The following CAMTA1 variants were observed in gnomAD, a reference collection of about 807,000 sequenced individuals.
The protein encoded by CAMTA1 is calmodulin-binding transcription activator 1.
Under a neutral mutation model 170.9 loss-of-function variants are expected in CAMTA1, and 27 were observed. The observed-to-expected ratio is 0.16, with a 90% CI of 0.12 to 0.22. The LOEUF is 0.22. Ranked by LOEUF, CAMTA1 falls within the 10% of genes least tolerant of loss-of-function variation. The pLI, the probability that CAMTA1 is intolerant of heterozygous loss-of-function variation, is 1.00. For missense variants in CAMTA1, 1,619 were observed against 2,217.2 expected, an observed-to-expected ratio of 0.73 and a Z score of 5.42; for synonymous variants, 833 against 891.5, an observed-to-expected ratio of 0.93 and a Z score of 1.17.
chr1:6,904,812 C>T (rs1386426245), intron 3 of CAMTA1, among the ~76,000 whole-genome samples: 2 of 138,240 alleles, frequency 1.4e-5, no homozygotes, highest in Admixed American at 1.7e-4. Context: ...AGACTGATCT[C>T]GAACTCCTGA....
intron 5 of CAMTA1, among the ~76,000 whole-genome samples, chr1:7,371,254 TG>T (rs2086445396): frequency 5.4e-5 from 1 of 18,436 alleles, no homozygotes; most frequent in African/African-American, 1.4e-4. Flanking sequence ...TTTGTTTGTT[TG>T]TTTGTTTGTT....
intron 3 of CAMTA1, among the ~76,000 whole-genome samples, chr1:6,852,070 T>C (rs1321692464): frequency 1.3e-5 from 2 of 149,630 alleles, no homozygotes; most frequent in East Asian, 3.9e-4. Context: ...AAAAGAGCAG[T>C]GAGATTGACA....
chr1:7,053,274 C>T (rs554747101), intron 3 of CAMTA1, among the ~76,000 whole-genome samples: 59 of 152,310 alleles, frequency 3.9e-4, no homozygotes, highest in African/African-American at 1.3e-3. Flanking sequence ...GCTCCCATCG[C>T]GACTCACTTC....
chr1:7,639,390 G>A (rs140419436), intron 6 of CAMTA1, among the ~76,000 whole-genome samples: 250 of 152,322 alleles, frequency 1.6e-3, no homozygotes, highest in Middle Eastern at 0.01. Context: ...AAGAAAGAGT[G>A]GACGAGCTGG....
At chr1:7,452,055 A>G (rs1047848060) in intron 5 of CAMTA1, among the ~76,000 whole-genome samples, 4 of 152,220 alleles carry the variant, frequency 2.6e-5, no homozygotes, top group Non-Finnish European at 5.9e-5. Flanking sequence ...TACACAGAAC[A>G]CCAGGCCGGG....
At chr1:7,080,013 A>G (rs1420736359) in intron 3 of CAMTA1, among the ~76,000 whole-genome samples, 3 of 152,254 alleles carry the variant, frequency 2.0e-5, no homozygotes, top group African/African-American at 7.2e-5. Flanking sequence ...TAATACATTT[A>G]TGTGTTAACA....
At chr1:7,719,886 C>T (rs2096637985) in intron 11 of CAMTA1, among the ~76,000 whole-genome samples, 1 of 152,274 alleles carries the variant, frequency 6.6e-6, no homozygotes, top group African/African-American at 2.4e-5. Context: ...CCTCAGCTCT[C>T]CCTGCCAGGG....
intron 5 of CAMTA1, among the ~76,000 whole-genome samples, chr1:7,383,756 AGAT>A (rs961756458): frequency 1.3e-5 from 2 of 151,878 alleles, no homozygotes; most frequent in African/African-American, 4.8e-5. Flanking sequence ...ATGTTGTTGA[AGAT>A]GATAAGAATG....
chr1:7,541,584 A>G (rs932626875), intron 6 of CAMTA1, among the ~76,000 whole-genome samples: 6 of 152,266 alleles, frequency 3.9e-5, no homozygotes, highest in Non-Finnish European at 7.3e-5. Flanking sequence ...TTGATTACTT[A>G]GAACCTGCCA....
chr1:6,926,170 A>G (rs1385473108), intron 3 of CAMTA1, among the ~76,000 whole-genome samples: 1 of 152,210 alleles, frequency 6.6e-6, no homozygotes, highest in Non-Finnish European at 1.5e-5. Flanking sequence ...GTTGTCACTA[A>G]TGATCACTCT....
Position 7,176,634 on chromosome 1 carries a change from G to A in CAMTA1, c.303-72857G>A, listed in dbSNP as rs75811734. Among the ~76,000 whole-genome samples, 1,370 of 152,344 alleles carry A rather than the reference G, an allele frequency of 9.0e-3. 15 individuals carry two copies. The highest frequency in any genetic ancestry group is 0.015 in the Admixed American group (233 of 15,302). On this transcript the variant is annotated intron_variant, in intron 4 of 22. Coordinates refer to ENST00000303635, the MANE Select transcript of CAMTA1 (RefSeq NM_015215.4). ...TTGCCCTGGGTTAGCCATTGGGATA[G>A]ACAGATGCTGAGGGCATAGGAGCAC...
chr1:7,197,628 CCACACACACA>C (rs3222484), intron 4 of CAMTA1, among the ~76,000 whole-genome samples: 263 of 109,870 alleles, frequency 2.4e-3, no homozygotes, highest in South Asian at 6.6e-3. Flanking sequence ...TTGTCCCCCA[CCACACACACA>C]CACACACACA....
chr1:7,548,683 A>G (rs12741396), intron 6 of CAMTA1, among the ~76,000 whole-genome samples: 7,386 of 45,040 alleles, frequency 0.16, 147 homozygotes, highest in East Asian at 0.24. Flanking sequence ...TGCCCATGGA[A>G]GGTGCCCCCT....
chr1:7,179,782 A>T (rs1487289028), intron 4 of CAMTA1, among the ~76,000 whole-genome samples: 1 of 152,220 alleles, frequency 6.6e-6, no homozygotes, highest in Non-Finnish European at 1.5e-5. Flanking sequence ...ATTAATAAAA[A>T]CACAAAAATG....
At chr1:6,937,549 A>G (rs1685605657) in intron 3 of CAMTA1, among the ~76,000 whole-genome samples, 1 of 49,134 alleles carries the variant, frequency 2.0e-5, no homozygotes, top group African/African-American at 8.2e-5. Flanking sequence ...ACCACTTACC[A>G]CTACCATCAT....
chr1:7,165,494 C>T (rs985688365), intron 4 of CAMTA1, among the ~76,000 whole-genome samples: 4 of 151,880 alleles, frequency 2.6e-5, no homozygotes, highest in Admixed American at 6.6e-5. Context: ...TGCAGTAGTG[C>T]GATCTCGGCT....
In CAMTA1 at chr1:7,635,401, A is replaced by C. The variant is rs1214853902; in HGVS notation, c.511-4999A>C. On this transcript the variant is annotated intron_variant, in intron 6 of 22. Coordinates refer to ENST00000303635, the MANE Select transcript of CAMTA1 (RefSeq NM_015215.4). The surrounding 1 kb of genome is among the most constrained non-coding windows in gnomAD (Gnocchi z 4.4). ...GGCAGGCAGATCACGAGATCGGGAC[A>C]CCGAGACTATCCTGGCTAACACGGT... 6.6e-6 allele frequency among the ~76,000 whole-genome samples: 1 copy of C among 152,140 alleles called. No individual in the cohort carries two copies. Among genetic ancestry groups the C allele is most frequent in the East Asian group, 1.9e-4 (1 of 5,172 alleles).
intron 3 of CAMTA1, among the ~76,000 whole-genome samples, chr1:6,958,579 C>T (rs1319377835): frequency 2.6e-5 from 4 of 152,156 alleles, no homozygotes; most frequent in African/African-American, 7.2e-5. Flanking sequence ...AATCTGTTGA[C>T]GGAACCGTTC....
intron 4 of CAMTA1, among the ~76,000 whole-genome samples, chr1:7,097,939 G>A (rs1642267484): frequency 6.6e-6 from 1 of 152,210 alleles, no homozygotes; most frequent in South Asian, 2.1e-4. Flanking sequence ...GCAGAGCAAT[G>A]TGAATGTGCT....
Sources: allele counts gnomAD v4.1 joint callset (sites outside exome capture counted in the v4.1 genomes callset), GRCh38; gene constraint gnomAD v4.1.1; non-coding constraint Gnocchi (gnomAD v3.1); transcripts MANE v1.5; gene names NCBI Gene and HGNC (gene_info 2026-07-23, HGNC 2026-07-21).